RPP30: variants seen among roughly 807,000 people sequenced by gnomAD.
The protein encoded by RPP30 is ribonuclease P protein subunit p30.
Under a neutral mutation model 38.6 loss-of-function variants are expected in RPP30, and 36 were observed. The observed-to-expected ratio is 0.93, with a 90% CI of 0.71 to 1.23. RPP30 has a LOEUF of 1.23. RPP30 is among the 50% of genes most tolerant of loss of function. The pLI, the probability that RPP30 is intolerant of heterozygous loss-of-function variation, is 0.00. For synonymous variants in RPP30, 126 were observed against 112.7 expected (o/e 1.12, Z -0.75); for missense variants, 321 against 321.7 (o/e 1.00, Z 0.02).
chr10:90,897,348 A>T (rs1847151626), intron 10 of RPP30, among the ~76,000 whole-genome samples: 1 of 152,190 alleles, frequency 6.6e-6, no homozygotes, highest in Non-Finnish European at 1.5e-5. Flanking sequence ...TAGCTAGGTT[A>T]TTGAGGGCTT....
At chr10:90,872,092 T>G (rs947340212) in intron 1 of RPP30, 24 bp downstream of exon 1, 13 of 1,601,052 alleles carry the variant, frequency 8.1e-6, no homozygotes, top group Admixed American at 6.7e-5. Flanking sequence ...GCTTCGCGCC[T>G]GGCCAACCTC....
intron 4 of RPP30, among the ~76,000 whole-genome samples, chr10:90,876,569 A>G (rs888640400): frequency 6.6e-6 from 1 of 152,172 alleles, no homozygotes; most frequent in Admixed American, 6.5e-5. Flanking sequence ...GAGTCAGTAA[A>G]TGTTAAATAG....
At chr10:90,891,093 A>G (rs138011969) in intron 6 of RPP30, among the ~76,000 whole-genome samples, 153 of 152,364 alleles carry the variant, frequency 1.0e-3, no homozygotes, top group Middle Eastern at 6.8e-3. Flanking sequence ...TTCAAATTAC[A>G]AATACGTTTA....
In RPP30 at chr10:90,896,196, G is replaced by A. The variant is rs1268047961; in HGVS notation, c.618-117G>A. The stretch of plus-strand genomic sequence containing the variant: ...GCATGTTCCAGTTGGACTAAGAACT[G>A]CTGTTGAATTAATTAGCCTCTCAAG... On this transcript the variant is annotated intron_variant, in intron 9 of 10. Transcript: ENST00000371703. The A allele has an allele frequency of 5.9e-6, 5 of 847,232 alleles. No individual in the cohort carries two copies. In the Admixed American group the frequency reaches 6.0e-5, roughly 10 times the overall value. 52.5% of individuals were successfully genotyped at this position (847,232 alleles called of 1,614,324 possible).
intron 6 of RPP30, among the ~76,000 whole-genome samples, chr10:90,888,174 A>T (rs2120209030): frequency 6.6e-6 from 1 of 152,302 alleles, no homozygotes; most frequent in East Asian, 1.9e-4. Context: ...TGAACTTGCA[A>T]CTTTTTCACC....
At chr10:90,887,790 G>GA (rs2120208348) in intron 6 of RPP30, among the ~76,000 whole-genome samples, 1 of 152,282 alleles carries the variant, frequency 6.6e-6, no homozygotes, top group East Asian at 1.9e-4. Context: ...AGTAAACAGT[G>GA]AAAAACCACT....
intron 6 of RPP30, among the ~76,000 whole-genome samples, chr10:90,888,358 G>C (rs992472418): frequency 3.3e-5 from 5 of 152,210 alleles, no homozygotes; most frequent in Non-Finnish European, 1.5e-5. Context: ...CACGACAGTG[G>C]TAAGATTCCC....
At chr10:90,886,439 C>T (rs2120205138) in intron 6 of RPP30, among the ~76,000 whole-genome samples, 1 of 152,258 alleles carries the variant, frequency 6.6e-6, no homozygotes, top group African/African-American at 2.4e-5. Context: ...TTGTTTCTCC[C>T]TCTGCTATAG....
chr10:90,878,055 A>G (rs140033587), intron 4 of RPP30, among the ~76,000 whole-genome samples: 1 of 152,342 alleles, frequency 6.6e-6, no homozygotes, highest in East Asian at 1.9e-4. Flanking sequence ...AGGCCCAGGT[A>G]GACATAAATG....
At chr10:90,879,350 G>C (rs1846893954) in intron 5 of RPP30, among the ~76,000 whole-genome samples, 1 of 151,972 alleles carries the variant, frequency 6.6e-6, no homozygotes, top group African/African-American at 2.4e-5. Flanking sequence ...CCTTTGATAG[G>C]CTCAGTTTGA....
At chr10:90,897,891 A>G (rs1192125435) in intron 10 of RPP30, among the ~76,000 whole-genome samples, 1 of 152,208 alleles carries the variant, frequency 6.6e-6, no homozygotes, top group Non-Finnish European at 1.5e-5. Flanking sequence ...ATCATGGAAA[A>G]TGGGGTGTCC....
At chr10:90,903,383 C>T (rs186650487), downstream of RPP30, 1,763 of 655,142 alleles carry the variant, frequency 2.7e-3, 7 homozygotes, top group Non-Finnish European at 3.9e-3. Flanking sequence ...TAGTGATGTA[C>T]CAGCTACAGT....
intron 4 of RPP30, 48 bp downstream of exon 4, chr10:90,876,146 T>A: frequency 3.4e-6 from 4 of 1,169,338 alleles, no homozygotes; most frequent in Non-Finnish European, 5.1e-6. Flanking sequence ...TGAGTTGTAT[T>A]GATTAATGTT....
chr10:90,872,527 CAG>C (rs1351845504), intron 1 of RPP30, among the ~76,000 whole-genome samples: 3 of 151,930 alleles, frequency 2.0e-5, no homozygotes, highest in African/African-American at 7.3e-5. Flanking sequence ...ACTATCTAGA[CAG>C]AGAGAGGGTA....
chr10:90,893,437 A>C (rs1847105631), intron 6 of RPP30, among the ~76,000 whole-genome samples: 1 of 152,144 alleles, frequency 6.6e-6, no homozygotes. Context: ...TTCTTTCTTT[A>C]TTCTTTTGAA....
chr10:90,892,698 G>A (rs1473566105), intron 6 of RPP30, among the ~76,000 whole-genome samples: 7 of 152,150 alleles, frequency 4.6e-5, no homozygotes, highest in Admixed American at 3.9e-4. Flanking sequence ...AGAAATACAG[G>A]TCAGCCTCTT....
chr10:90,879,321 GT>G (rs1004213725), intron 5 of RPP30, among the ~76,000 whole-genome samples, 187 bp downstream of exon 5: 1 of 151,872 alleles, frequency 6.6e-6, no homozygotes, highest in Non-Finnish European at 1.5e-5. Flanking sequence ...GTTTTGTTTT[GT>G]TTTTTTCATG....
At chr10:90,883,479 G>A (rs1314627712) in intron 5 of RPP30, among the ~76,000 whole-genome samples, 1 of 152,100 alleles carries the variant, frequency 6.6e-6, no homozygotes, top group Non-Finnish European at 1.5e-5. Flanking sequence ...TTATCTAAAA[G>A]TATTGATTGA....
intron 6 of RPP30, among the ~76,000 whole-genome samples, chr10:90,887,411 GTC>G (rs1847016985): frequency 6.7e-6 from 1 of 148,510 alleles, no homozygotes; most frequent in Admixed American, 6.7e-5. Flanking sequence ...TTGAGACGGA[GTC>G]TTGCTGTCAC....
Sources: gnomAD v4.1 joint callset for allele counts (sites outside exome capture counted in the v4.1 genomes callset) on GRCh38, gnomAD v4.1.1 for gene constraint, MANE v1.5 for transcripts, NCBI Gene and HGNC (gene_info 2026-07-23, HGNC 2026-07-21) for gene names.